S1PR3: variants seen among roughly 807,000 people sequenced by gnomAD.
The protein encoded by S1PR3 is sphingosine-1-phosphate receptor 3.
A neutral mutation model predicts 13.3 loss-of-function variants in S1PR3; 12 were observed. That is an observed-to-expected ratio of 0.90 (90% CI 0.58 to 1.46). The LOEUF is 1.46. Among genes scored for constraint, S1PR3 ranks in the 40% most tolerant of loss-of-function variants. The pLI is 0.00. For missense variants in S1PR3, 450 were observed against 501.9 expected (o/e 0.90, Z 0.99); for synonymous variants, 232 against 214.0 (o/e 1.08, Z -0.73).
intron 1 of S1PR3, 93 bp from the exon 2 acceptor site, chr9:89,000,961 C>T (rs1825858633): frequency 2.0e-5 from 11 of 551,616 alleles, no homozygotes; most frequent in Non-Finnish European, 2.9e-5. Context: ...AGTACTTCCA[C>T]GTTTTTCATG....
At chr9:88,991,368 G>A (rs1232941597), upstream of S1PR3, 2 of 1,178,486 alleles carry the variant, frequency 1.7e-6, no homozygotes, top group African/African-American at 1.6e-5. This position sits in a 1 kb window ranked among gnomAD's most constrained non-coding sequence, Gnocchi z 4.0. Flanking sequence ...AGAGGGGGGC[G>A]GGGAGAGGGG....
Position 88,991,665 on chromosome 9 carries a change from C to T in S1PR3, c.-178C>T. The T allele has an allele frequency of 6.6e-7, 1 of 1,516,360 alleles. No individual in the cohort carries two copies. 93.9% of individuals were successfully genotyped at this position (1,516,360 alleles called of 1,614,324 possible). A position where few individuals can be genotyped will look rare whatever the true frequency, so the allele number is the denominator to read the frequency against. ...CCGCCGCGCGCCACCCGCTAGGATG[C>T]CGGTGGCCCCAGCGCCCTCAGCCGA... On this transcript the variant is annotated 5_prime_UTR_variant, in exon 1 of 2. Transcript: ENST00000358157. The surrounding 1 kb of genome is among the most constrained non-coding windows in gnomAD (Gnocchi z 4.0).
intron 1 of S1PR3, chr9:88,996,569 G>C (rs1199598414): frequency 6.6e-6 from 1 of 152,312 alleles, no homozygotes; most frequent in Non-Finnish European, 1.5e-5. Context: ...GTGAAGGTCA[G>C]AAGCAGGCTA....
intron 1 of S1PR3, chr9:88,995,645 T>G (rs1047217577): frequency 6.0e-6 from 1 of 167,210 alleles, no homozygotes; most frequent in South Asian, 2.1e-4. Context: ...ATGAAAACCC[T>G]TAGCTAATGG....
chr9:89,001,069 G>C lies in S1PR3; in HGVS notation c.-132G>C. ...CTGTTGGCAGGAGCCCTTTTTCAAC[G>C]CCCTCGCTGGAGTCTGGCCTGCACG... On this transcript the variant is annotated 5_prime_UTR_variant, in exon 2 of 2. Transcript: ENST00000358157. 2 of 1,036,808 alleles carry C rather than the reference G, an allele frequency of 1.9e-6. No individual in the cohort carries two copies. The highest frequency in any genetic ancestry group is 3.2e-4 in the Middle Eastern group (1 of 3,082). The allele number at this position is 1,036,808 out of a possible 1,614,324, so 64.2% of individuals were successfully genotyped here.
upstream of S1PR3, chr9:88,991,311 G>A (rs1825694824): frequency 2.0e-6 from 3 of 1,506,622 alleles, no homozygotes; most frequent in Admixed American, 4.2e-5. This position sits in a 1 kb window ranked among gnomAD's most constrained non-coding sequence, Gnocchi z 4.0. Context: ...GCTTGAGCGG[G>A]AGGTGGGGAG....
At position 89,002,375 on chromosome 9, in the gene S1PR3, T is replaced by C; in HGVS notation, c.*38T>C. The C allele has an allele frequency of 1.3e-6, 2 of 1,598,704 alleles. No homozygotes were observed. Among genetic ancestry groups the C allele is most frequent in the South Asian group, 2.2e-5 (2 of 88,956 alleles). ...GCCCTGCTCTGCGGCTGTGTTCTTATTTATTGCATGCGTCGCTTCCACAGG... is the reference window on the plus strand; with the variant it reads ...GCCCTGCTCTGCGGCTGTGTTCTTACTTATTGCATGCGTCGCTTCCACAGG... On this transcript the variant is annotated 3_prime_UTR_variant, in exon 2 of 2. Coordinates refer to ENST00000358157, the MANE Select transcript of S1PR3 (RefSeq NM_005226.4).
upstream of S1PR3, chr9:88,991,019 A>G (rs1247159454): frequency 5.6e-6 from 9 of 1,613,528 alleles, no homozygotes; most frequent in Non-Finnish European, 5.9e-6. This position sits in a 1 kb window ranked among gnomAD's most constrained non-coding sequence, Gnocchi z 4.0. Flanking sequence ...GGACAACGAT[A>G]ATGATAGTAT....
chr9:88,991,517 C>T lies in S1PR3; in HGVS notation c.-326C>T, dbSNP rs750558441. 1.9e-6 allele frequency: 3 copies of T among 1,547,784 alleles called. No individual in the cohort carries two copies. The highest frequency in any genetic ancestry group is 1.7e-4 in the Middle Eastern group (1 of 5,942). On this transcript the variant is annotated 5_prime_UTR_variant, in exon 1 of 2. Coordinates refer to ENST00000358157, the MANE Select transcript of S1PR3 (RefSeq NM_005226.4). The surrounding 1 kb of genome is among the most constrained non-coding windows in gnomAD (Gnocchi z 4.0). Reference sequence around the variant, plus strand: ...GGACGGGCAACAGGGACTCAGGGACCAGAAGGCGGCTGCAGGACGCGACCG... The same window carrying T: ...GGACGGGCAACAGGGACTCAGGGACTAGAAGGCGGCTGCAGGACGCGACCG...
In S1PR3 at chr9:89,001,355, T is replaced by TC. The variant is rs1418055764; in HGVS notation, c.156dup (p.Ile53HisfsTer17). On this transcript the variant is annotated frameshift_variant, in exon 2 of 2. Transcript: ENST00000358157. LOFTEE classifies it high-confidence loss of function. ...GTGCTCTTCTTGGTCATCTGCAGCTTCATCGTCTTGGAGAACCTGATGGTT... is the reference window on the plus strand; with the variant it reads ...GTGCTCTTCTTGGTCATCTGCAGCTTCCATCGTCTTGGAGAACCTGATGGTT... 2 of 1,614,124 alleles carry TC rather than the reference T, an allele frequency of 1.2e-6. No homozygotes were observed. Among genetic ancestry groups the TC allele is most frequent in the Admixed American group, 3.3e-5 (2 of 60,012 alleles).
chr9:89,002,604 A>T lies in S1PR3; in HGVS notation c.*267A>T. On this transcript the variant is annotated 3_prime_UTR_variant, in exon 2 of 2. Coordinates refer to ENST00000358157, the MANE Select transcript of S1PR3 (RefSeq NM_005226.4). ...CACTGCCTTCTGCTGCATCCTAGAC[A>T]CCCTCCCTGTTGTTCACAGAGAGGG... 1 of 509,126 alleles carries T rather than the reference A, an allele frequency of 2.0e-6. No individual in the cohort carries two copies. Among genetic ancestry groups the T allele is most frequent in the South Asian group, 2.8e-5 (1 of 35,282 alleles). 31.5% of individuals were successfully genotyped at this position (509,126 alleles called of 1,614,324 possible).
In S1PR3 at chr9:89,002,172, C is replaced by T. The variant is rs201820975; in HGVS notation, c.972C>T (p.Arg324=). The T allele has an allele frequency of 3.2e-5, 52 of 1,613,876 alleles. No individual in the cohort carries two copies. Among genetic ancestry groups the T allele is most frequent in the Middle Eastern group, 1.6e-4 (1 of 6,062 alleles). ...CNCLVRGRGA[R]ASPIQPALDP... is the part of the protein sequence containing the mutation. ...GCCTGGTCAGGGGACGGGGGGCCCG[C>T]GCCTCACCCATCCAGCCTGCGCTCG... The change falls in exon 2 of 2, where the codon CGC becomes CGT. Residue 324 remains arginine (R), a synonymous_variant. Transcript: ENST00000358157.
intron 1 of S1PR3, chr9:88,999,276 C>T (rs1008794936): frequency 6.5e-6 from 1 of 152,740 alleles, no homozygotes; most frequent in African/African-American, 2.4e-5. Context: ...CCAGAGCAAC[C>T]AACACCACCA....
rs747738750 is a variant in S1PR3, at chr9:89,002,386, C to T, written c.*49C>T. On this transcript the variant is annotated 3_prime_UTR_variant, in exon 2 of 2. Transcript: ENST00000358157. ...CGGCTGTGTTCTTATTTATTGCATG[C>T]GTCGCTTCCACAGGGGCCCCTCAAG... 6.2e-5 allele frequency: 97 copies of T among 1,575,364 alleles called. No homozygotes were observed. The highest frequency in any genetic ancestry group is 1.6e-4 in the African/African-American group (12 of 74,302).
intron 1 of S1PR3, chr9:89,000,317 AGT>A (rs1468271003): frequency 1.3e-5 from 2 of 152,204 alleles, no homozygotes; most frequent in African/African-American, 4.8e-5. Flanking sequence ...AGACTCAGTC[AGT>A]GTGATTGTCA....
At position 88,991,735 on chromosome 9, in the gene S1PR3, G is replaced by A; in HGVS notation, c.-148+40G>A. The A allele has an allele frequency of 1.3e-6, 2 of 1,545,282 alleles. No individual in the cohort carries two copies. Among genetic ancestry groups the A allele is most frequent in the Non-Finnish European group, 1.7e-6 (2 of 1,143,788 alleles). On this transcript the variant is annotated intron_variant, in intron 1 of 1. Transcript: ENST00000358157. The surrounding 1 kb of genome is among the most constrained non-coding windows in gnomAD (Gnocchi z 4.0). ...CGGGCGGGGCGCGGAACCAGGGTGG[G>A]GGGCTGGGGGCCGAAGGACCCACCT...
At chr9:88,992,162 G>A in intron 1 of S1PR3, 1 of 806,662 alleles carries the variant, frequency 1.2e-6, no homozygotes, top group South Asian at 1.7e-5. Context: ...GGAAGACGAA[G>A]TCCCCACAGT....
chr9:89,002,121 G>A lies in S1PR3; in HGVS notation c.921G>A (p.Arg307=). 6.2e-7 allele frequency: 1 copy of A among 1,613,852 alleles called. No individual in the cohort carries two copies. The highest frequency in any genetic ancestry group is 1.1e-5 in the South Asian group (1 of 91,070). ...IYTLASKEMR[R]AFFRLVCNCL... ...CGCTGGCCAGCAAGGAGATGCGGCG[G>A]GCCTTCTTCCGTCTGGTCTGCAACT... The change falls in exon 2 of 2, where the codon CGG becomes CGA. Residue 307 remains arginine (R), a synonymous_variant. Transcript: ENST00000358157.
chr9:88,999,886 C>T (rs968032394), intron 1 of S1PR3: 1 of 152,060 alleles, frequency 6.6e-6, no homozygotes, highest in African/African-American at 2.4e-5. Flanking sequence ...CCTGTAATCC[C>T]AGCTACTTGG....
Sources: gnomAD v4.1 joint callset for allele counts on GRCh38, gnomAD v4.1.1 for gene constraint, Gnocchi (gnomAD v3.1) non-coding constraint, MANE v1.5 for transcripts, NCBI Gene and HGNC (gene_info 2026-07-23, HGNC 2026-07-21) for gene names.